The following TNPO1 variants were observed in gnomAD, a reference collection of about 807,000 sequenced individuals.
The protein encoded by TNPO1 is transportin-1.
A neutral mutation model predicts 119.5 loss-of-function variants in TNPO1; 8 were observed. That is an observed-to-expected ratio of 0.07 (90% CI 0.04 to 0.12). The LOEUF is 0.12. Ranked by LOEUF, TNPO1 falls within the 10% of genes least tolerant of loss-of-function variation. The pLI, the probability that TNPO1 is intolerant of heterozygous loss-of-function variation, is 1.00. For missense variants in TNPO1, 576 were observed against 1,089.8 expected, an observed-to-expected ratio of 0.53 and a Z score of 6.64; for synonymous variants, 362 against 363.0, an observed-to-expected ratio of 1.00 and a Z score of 0.03.
rs1750079039 is a variant in TNPO1 at position 72,905,486 on chromosome 5, AT to A, written c.*35+45del. ...TTTGGAAATTTTCAGGATGAAGAAA[AT>A]TTTGTTAGGGCTGTCATTTCAAACT... On this transcript the variant is annotated intron_variant, in intron 24 of 24. Transcript: ENST00000337273. 3 of 998,422 alleles carry A rather than the reference AT, an allele frequency of 3.0e-6. No homozygotes were observed. In the East Asian group the frequency reaches 7.2e-5, roughly 24 times the overall value. 61.8% of individuals were successfully genotyped at this position (998,422 alleles called of 1,614,324 possible). A position where few individuals can be genotyped will look rare whatever the true frequency, so the allele number is the denominator to read the frequency against.
intron 1 of TNPO1, among the ~76,000 whole-genome samples, chr5:72,819,166 A>AACCT (rs1434988398): frequency 6.6e-6 from 1 of 152,206 alleles, no homozygotes; most frequent in Non-Finnish European, 1.5e-5. Context: ...GCTGCATCAT[A>AACCT]ACCTGCTAGA....
intron 2 of TNPO1, among the ~76,000 whole-genome samples, chr5:72,848,798 G>T (rs1745308038): frequency 6.7e-6 from 1 of 148,766 alleles, no homozygotes; most frequent in East Asian, 2.0e-4. Context: ...CGCGACATGT[G>T]CGCGGGCCGG....
Position 72,901,002 on chromosome 5 carries a change from A to T in TNPO1, c.2443A>T (p.Asn815Tyr), listed in dbSNP as rs1328819886. 6.2e-7 allele frequency: 1 copy of T among 1,611,924 alleles called. No individual in the cohort carries two copies. The highest frequency in any genetic ancestry group is 8.5e-7 in the Non-Finnish European group (1 of 1,179,288). The part of the protein sequence containing the change: ...WCTSLRNIRD[N>Y]EEKDSAFRGI... ...CACCTCTCTGAGAAACATAAGAGAC[A>T]ATGAGGAAAAGGATTCAGCATTCCG... The change falls in exon 22 of 25, where the codon AAT (asparagine) becomes TAT (tyrosine). Residue 815 changes from asparagine (N) to tyrosine (Y), a missense_variant. This residue lies in a region of TNPO1 where 162 missense variants were observed against 294.1 expected (regional missense o/e 0.55). Coordinates refer to ENST00000337273, the MANE Select transcript of TNPO1 (RefSeq NM_002270.4).
At chr5:72,877,980 G>C in intron 9 of TNPO1, among the ~76,000 whole-genome samples, 1 of 152,052 alleles carries the variant, frequency 6.6e-6, no homozygotes, top group East Asian at 1.9e-4. Context: ...CCTATAGTTA[G>C]TGCTTAAAAT....
At chr5:72,890,371 T>C (rs1157040275) in intron 14 of TNPO1, among the ~76,000 whole-genome samples, 3 of 152,112 alleles carry the variant, frequency 2.0e-5, no homozygotes, top group Non-Finnish European at 4.4e-5. Context: ...ATAAAACAAA[T>C]AGAAATTGGG....
intron 4 of TNPO1, among the ~76,000 whole-genome samples, chr5:72,857,629 G>A (rs1376068358): frequency 6.6e-6 from 1 of 152,180 alleles, no homozygotes; most frequent in African/African-American, 2.4e-5. Flanking sequence ...TAAGTGGAAT[G>A]GAATTTAGAA....
intron 14 of TNPO1, 124 bp from the exon 15 acceptor site, chr5:72,891,686 T>C: frequency 1.4e-6 from 1 of 698,076 alleles, no homozygotes; most frequent in Non-Finnish European, 2.4e-6. Flanking sequence ...AGAATGACTC[T>C]TAAAATGCCT....
rs1332733259 is a variant in TNPO1 at position 72,905,430 on chromosome 5, A to T, written c.*20A>T. ...GTTTAATCTAATACACTTAAGCTGC[A>T]GTCCCAAAATTAGGGGTAAGTTATA... On this transcript the variant is annotated 3_prime_UTR_variant, in exon 24 of 25. Coordinates refer to ENST00000337273, the MANE Select transcript of TNPO1 (RefSeq NM_002270.4). 6.5e-7 allele frequency: 1 copy of T among 1,545,736 alleles called. No individual in the cohort carries two copies. The highest frequency in any genetic ancestry group is 2.2e-5 in the East Asian group (1 of 44,486).
At chr5:72,860,458 G>A (rs2112306058) in intron 4 of TNPO1, among the ~76,000 whole-genome samples, 1 of 152,276 alleles carries the variant, frequency 6.6e-6, no homozygotes, top group South Asian at 2.1e-4. Flanking sequence ...TTGTCCTTGT[G>A]TTTGTGTTAA....
intron 13 of TNPO1, 37 bp from the exon 14 acceptor site, chr5:72,889,747 TAC>T: frequency 6.5e-7 from 1 of 1,543,264 alleles, no homozygotes; most frequent in African/African-American, 1.4e-5. Context: ...AGATATATCT[TAC>T]AGTCAATAAG....
intron 21 of TNPO1, 114 bp downstream of exon 21, chr5:72,900,195 C>A: frequency 1.1e-6 from 1 of 889,364 alleles, no homozygotes; most frequent in Non-Finnish European, 1.8e-6. Flanking sequence ...TTTATCATTG[C>A]CAACCATGTG....
At chr5:72,838,070 T>C (rs944970962) in intron 1 of TNPO1, among the ~76,000 whole-genome samples, 27 of 152,240 alleles carry the variant, frequency 1.8e-4, no homozygotes, top group African/African-American at 6.3e-4. Context: ...TAAAACCTAA[T>C]GCTAATCAGC....
intron 1 of TNPO1, among the ~76,000 whole-genome samples, chr5:72,834,078 A>G (rs570256101): frequency 3.3e-5 from 5 of 152,270 alleles, no homozygotes; most frequent in Middle Eastern, 3.4e-3. Flanking sequence ...TAGAGAGCTG[A>G]AAAGCTTCTA....
At chr5:72,907,380 G>A (rs1259102698) in intron 24 of TNPO1, among the ~76,000 whole-genome samples, 1 of 152,142 alleles carries the variant, frequency 6.6e-6, no homozygotes, top group Non-Finnish European at 1.5e-5. Flanking sequence ...TGTAATTAGA[G>A]CTAAAAGTAG....
At position 72,882,478 on chromosome 5, in the gene TNPO1, T is replaced by G; in HGVS notation, c.932T>G (p.Val311Gly). ...LVRHLPKLIP[V>G]LVNGMKYSDI... The stretch of plus-strand genomic sequence containing the variant: ...TTCTTTCTTTATAGGTTGATTCCTG[T>G]GTTAGTGAATGGCATGAAGTACTCA... Residue 311 changes from valine to glycine, a missense_variant, in exon 10 of 25, where the codon GTG (valine) becomes GGG (glycine). By Grantham distance (109) the Val-to-Gly change is moderately radical. Around this residue, in one of 6 missense-constraint regions of TNPO1, gnomAD observed 310 missense variants for 583.0 expected, o/e 0.53. Coordinates refer to ENST00000337273, the MANE Select transcript of TNPO1 (RefSeq NM_002270.4). The G allele has an allele frequency of 1.9e-6, 3 of 1,609,100 alleles. No individual in the cohort carries two copies. The highest frequency in any genetic ancestry group is 2.5e-6 in the Non-Finnish European group (3 of 1,177,552).
intron 21 of TNPO1, 102 bp downstream of exon 21, chr5:72,900,183 C>T (rs1180145943): frequency 2.8e-6 from 3 of 1,059,532 alleles, no homozygotes; most frequent in Non-Finnish European, 2.8e-6. Context: ...AAATCACAAT[C>T]CTTTATCATT....
chr5:72,833,075 C>T (rs903048414), intron 1 of TNPO1, among the ~76,000 whole-genome samples: 1 of 152,150 alleles, frequency 6.6e-6, no homozygotes, highest in Non-Finnish European at 1.5e-5. Context: ...TGCCTTCTTC[C>T]TGATGGCTTT....
intron 1 of TNPO1, among the ~76,000 whole-genome samples, chr5:72,842,330 A>G (rs1308897812): frequency 6.6e-6 from 1 of 152,226 alleles, no homozygotes; most frequent in East Asian, 1.9e-4. Context: ...CACTGGAGCC[A>G]GATTAGTTGG....
intron 8 of TNPO1, 104 bp downstream of exon 8, chr5:72,875,841 T>C (rs936325201): frequency 1.8e-5 from 24 of 1,302,392 alleles, no homozygotes; most frequent in South Asian, 7.9e-5. Flanking sequence ...AAAATAGTTA[T>C]AATTGTCTTA....
Sources: allele counts gnomAD v4.1 joint callset (sites outside exome capture counted in the v4.1 genomes callset), GRCh38; gene constraint gnomAD v4.1.1; regional missense constraint gnomAD v4.1.1; transcripts MANE v1.5; gene names NCBI Gene and HGNC (gene_info 2026-07-23, HGNC 2026-07-21).